Variants in CLASP1 observed in about 807,000 individuals in gnomAD.
CLASP1 encodes the protein CLIP-associating protein 1.
In CLASP1, 38 loss-of-function variants were observed where a neutral mutation model predicts 192.3. The observed-to-expected ratio is 0.20, with a 90% CI of 0.15 to 0.26. The LOEUF is 0.26. Among genes scored for constraint, CLASP1 ranks in the 10% least tolerant of loss-of-function variants. The pLI, the probability that CLASP1 is intolerant of heterozygous loss-of-function variation, is 1.00. For synonymous variants in CLASP1, 691 were observed against 712.8 expected (o/e 0.97, Z 0.49); for missense variants, 1,433 against 1,932.5 (o/e 0.74, Z 4.85).
At chr2:121,423,381 C>A (rs905408956) in intron 22 of CLASP1, among the ~76,000 whole-genome samples, 1 of 152,046 alleles carries the variant, frequency 6.6e-6, no homozygotes, top group Non-Finnish European at 1.5e-5. Context: ...ACACACAACA[C>A]AAACTTCCTA....
intron 2 of CLASP1, among the ~76,000 whole-genome samples, chr2:121,542,029 T>TG (rs545958503): frequency 1.0e-3 from 157 of 152,300 alleles, no homozygotes; most frequent in Non-Finnish European, 1.9e-3. Context: ...GTGACTATCC[T>TG]GCAAGACATC....
chr2:121,375,495 C>T (rs1278016694), intron 34 of CLASP1, among the ~76,000 whole-genome samples: 1 of 151,644 alleles, frequency 6.6e-6, no homozygotes, highest in African/African-American at 2.4e-5. Flanking sequence ...TCCTGAGTAG[C>T]TGGGACTACA....
chr2:121,598,582 A>G (rs2063412846), intron 2 of CLASP1, among the ~76,000 whole-genome samples: 1 of 152,270 alleles, frequency 6.6e-6, no homozygotes, highest in Non-Finnish European at 1.5e-5. Flanking sequence ...CCAGAAAATC[A>G]GAGACCTATA....
chr2:121,616,845 T>C (rs1006843819), intron 1 of CLASP1, among the ~76,000 whole-genome samples: 2 of 152,200 alleles, frequency 1.3e-5, no homozygotes, highest in Non-Finnish European at 1.5e-5. Context: ...CTGACAGGTA[T>C]TGAACTATGC....
At chr2:121,476,022 A>G (rs2091564875) in intron 8 of CLASP1, among the ~76,000 whole-genome samples, 1 of 152,210 alleles carries the variant, frequency 6.6e-6, no homozygotes, top group African/African-American at 2.4e-5. Context: ...GTGATACTAT[A>G]ATTTTCATCC....
At chr2:121,483,751 C>G (rs547934431) in intron 8 of CLASP1, among the ~76,000 whole-genome samples, 1 of 152,066 alleles carries the variant, frequency 6.6e-6, no homozygotes, top group East Asian at 1.9e-4. Flanking sequence ...TTAATAACAC[C>G]TTTGGATAAC....
intron 1 of CLASP1, among the ~76,000 whole-genome samples, chr2:121,626,039 G>A (rs924876937): frequency 1.3e-5 from 2 of 151,600 alleles, no homozygotes; most frequent in African/African-American, 4.9e-5. Flanking sequence ...GGCAGAGGCT[G>A]CAGTGAGCTG....
At chr2:121,479,744 T>C (rs2092433363) in intron 8 of CLASP1, among the ~76,000 whole-genome samples, 2 of 152,122 alleles carry the variant, frequency 1.3e-5, no homozygotes, top group African/African-American at 2.4e-5. Flanking sequence ...GGACCAGTGT[T>C]ATTAGGGCCG....
At chr2:121,535,014 TC>T (rs769263486) in intron 2 of CLASP1, among the ~76,000 whole-genome samples, 18 of 152,164 alleles carry the variant, frequency 1.2e-4, no homozygotes, top group Non-Finnish European at 2.4e-4. Flanking sequence ...ACGCCTGTAA[TC>T]CCAGCACTTT....
At chr2:121,511,081 C>T (rs1230396790) in intron 7 of CLASP1, among the ~76,000 whole-genome samples, 1 of 151,994 alleles carries the variant, frequency 6.6e-6, no homozygotes, top group African/African-American at 2.4e-5. Flanking sequence ...AGTAAGTATA[C>T]AGACAACTAT....
chr2:121,431,293 T>A (rs1464736875), intron 19 of CLASP1, among the ~76,000 whole-genome samples: 3 of 152,202 alleles, frequency 2.0e-5, no homozygotes, highest in Non-Finnish European at 4.4e-5. Context: ...AACTCTATAA[T>A]CTATACAGAA....
At chr2:121,430,033 TA>T (rs2081123099) in intron 20 of CLASP1, 39 bp downstream of exon 20, 2 of 1,437,576 alleles carry the variant, frequency 1.4e-6, no homozygotes, top group East Asian at 5.0e-5. Flanking sequence ...AGCTGTTGAA[TA>T]AAACTGAGGT....
chr2:121,424,274 A>C (rs1001374191), intron 22 of CLASP1, among the ~76,000 whole-genome samples: 52 of 152,334 alleles, frequency 3.4e-4, no homozygotes, highest in African/African-American at 1.2e-3. Context: ...CAGAATCTAA[A>C]TCTATCTCAT....
chr2:121,543,130 T>G (rs2095265909), intron 2 of CLASP1, among the ~76,000 whole-genome samples: 1 of 152,194 alleles, frequency 6.6e-6, no homozygotes, highest in African/African-American at 2.4e-5. Flanking sequence ...ATGGCTACTG[T>G]ACTGGACAGT....
At chr2:121,407,337 C>T in intron 25 of CLASP1, 134 bp downstream of exon 26, 2 of 977,788 alleles carry the variant, frequency 2.0e-6, no homozygotes, top group South Asian at 1.7e-5. Context: ...AGTGCCTGTT[C>T]CTGCAAGCAG....
At chr2:121,520,211 T>C (rs550892441) in intron 6 of CLASP1, among the ~76,000 whole-genome samples, 21 of 152,238 alleles carry the variant, frequency 1.4e-4, no homozygotes, top group African/African-American at 5.1e-4. Flanking sequence ...CAAGTCAACA[T>C]CCTTCTCACC....
chr2:121,459,823 T>C (rs1328829223), intron 12 of CLASP1, 157 bp downstream of exon 12: 5 of 549,172 alleles, frequency 9.1e-6, no homozygotes, highest in South Asian at 7.6e-5. Flanking sequence ...GCAAAAAGTA[T>C]TGTAAAACTA....
At chr2:121,523,917 G>A (rs2094513652) in intron 6 of CLASP1, among the ~76,000 whole-genome samples, 1 of 152,194 alleles carries the variant, frequency 6.6e-6, no homozygotes, top group Non-Finnish European at 1.5e-5. Context: ...GGGGAAATGG[G>A]GGTGAGTGAG....
intron 5 of CLASP1, among the ~76,000 whole-genome samples, chr2:121,526,218 G>A (rs1288874347): frequency 1.3e-5 from 2 of 152,184 alleles, no homozygotes; most frequent in African/African-American, 2.4e-5. Flanking sequence ...CCCAGGTCCC[G>A]CTTGCCTCAC....
Sources: gnomAD v4.1 joint callset for allele counts (sites outside exome capture counted in the v4.1 genomes callset) on GRCh38, gnomAD v4.1.1 for gene constraint, MANE v1.5 for transcripts, NCBI Gene and HGNC (gene_info 2026-07-23, HGNC 2026-07-21) for gene names.